LARP4B: variants seen among roughly 807,000 people sequenced by gnomAD.
The protein encoded by LARP4B is La ribonucleoprotein 4B, also known as la-related protein 4B.
Under a neutral mutation model 89.8 loss-of-function variants are expected in LARP4B, and 12 were observed. That is an observed-to-expected ratio of 0.13 (90% CI 0.09 to 0.22). The LOEUF is 0.22. LARP4B is among the 10% of genes least tolerant of loss of function. LARP4B has a pLI of 1.00. For missense variants in LARP4B, 757 were observed against 947.7 expected, an observed-to-expected ratio of 0.80 and a Z score of 2.64; for synonymous variants, 367 against 363.3, an observed-to-expected ratio of 1.01 and a Z score of -0.12.
At chr10:922,901 C>T (rs1256079693) in intron 1 of LARP4B, among the ~76,000 whole-genome samples, 1 of 151,980 alleles carries the variant, frequency 6.6e-6, no homozygotes, top group Non-Finnish European at 1.5e-5. Context: ...GGTGAAACCC[C>T]GTCTCTACTA....
intron 3 of LARP4B, among the ~76,000 whole-genome samples, chr10:884,092 T>A (rs1835780067): frequency 6.6e-6 from 1 of 152,226 alleles, no homozygotes. Context: ...ACTATTCAAT[T>A]TGTGTGGTTT....
At chr10:975,248 T>C in the LARP4B span, among the ~76,000 whole-genome samples, 1 of 152,396 alleles carries the variant, frequency 6.6e-6, no homozygotes, top group African/African-American at 2.4e-5. Context: ...ATGATGTGCT[T>C]GTTTGAATTA....
chr10:848,615 T>C (rs2131761736), intron 5 of LARP4B, among the ~76,000 whole-genome samples: 1 of 148,342 alleles, frequency 6.7e-6, no homozygotes, highest in African/African-American at 2.5e-5. Context: ...CAATGTCTGA[T>C]ATTAAAAATA....
chr10:916,771 A>G (rs1484587575), intron 1 of LARP4B, among the ~76,000 whole-genome samples: 1 of 152,204 alleles, frequency 6.6e-6, no homozygotes, highest in African/African-American at 2.4e-5. Flanking sequence ...TTTCTAACTC[A>G]CTACAACCTC....
At chr10:877,503 T>C (rs1160720438) in intron 3 of LARP4B, among the ~76,000 whole-genome samples, 3 of 152,262 alleles carry the variant, frequency 2.0e-5, no homozygotes, top group Admixed American at 2.0e-4. Flanking sequence ...GTATTTCCTC[T>C]TGAGTTTGGA....
chr10:983,994 C>T, the LARP4B span, among the ~76,000 whole-genome samples: 2 of 152,298 alleles, frequency 1.3e-5, no homozygotes, highest in Admixed American at 1.3e-4. Context: ...GGTGGCAGGG[C>T]TGGAATTGAA....
chr10:926,626 T>G (rs1007371309), intron 1 of LARP4B, among the ~76,000 whole-genome samples: 1 of 152,198 alleles, frequency 6.6e-6, no homozygotes, highest in Non-Finnish European at 1.5e-5. Context: ...AAAGAGCATT[T>G]TATTGGGCAA....
At chr10:862,114 T>C (rs1339045733) in intron 5 of LARP4B, among the ~76,000 whole-genome samples, 1 of 152,174 alleles carries the variant, frequency 6.6e-6, no homozygotes, top group African/African-American at 2.4e-5. Context: ...ACTGCTCATG[T>C]AGACGGGAAA....
chr10:913,935 A>C (rs1836745994), intron 1 of LARP4B, among the ~76,000 whole-genome samples: 1 of 152,174 alleles, frequency 6.6e-6, no homozygotes, highest in Non-Finnish European at 1.5e-5. Flanking sequence ...AACGAAGAAT[A>C]AATTAGATGA....
chr10:899,126 T>C (rs1250273081), intron 1 of LARP4B, among the ~76,000 whole-genome samples: 2 of 152,222 alleles, frequency 1.3e-5, no homozygotes, highest in African/African-American at 4.8e-5. Context: ...AAATATAAGC[T>C]AAATATTTCT....
chr10:812,940 T>TG lies in LARP4B; in HGVS notation c.2202dup (p.Lys735GlnfsTer41). 1 of 1,546,234 alleles carries TG rather than the reference T, an allele frequency of 6.5e-7. No individual in the cohort carries two copies. On this transcript the variant is annotated frameshift_variant, in exon 18 of 18. Coordinates refer to ENST00000316157, the MANE Select transcript of LARP4B (RefSeq NM_015155.3). LOFTEE classifies it high-confidence loss of function. ...ACGTACGGTTTTCACTGAGGAGACT[T>TG]GGGGGGAGTGCTCTGCTCTCGGCTG...
At position 812,919 on chromosome 10, in the gene LARP4B, A is replaced by G. The variant is rs766553624; in HGVS notation, c.*7T>C. On this transcript the variant is annotated 3_prime_UTR_variant, in exon 18 of 18. Transcript: ENST00000316157. ...GCGCTCTGCGACCCCTCCCAGACGT[A>G]CGGTTTTCACTGAGGAGACTTGGGG... 6 of 1,527,850 alleles carry G rather than the reference A, an allele frequency of 3.9e-6. No homozygotes were observed. The East Asian group carries it at 1.1e-4, about 29-fold the overall frequency. The allele number at this position is 1,527,850 out of a possible 1,614,324, so 94.6% of individuals were successfully genotyped here.
upstream of LARP4B, among the ~76,000 whole-genome samples, chr10:935,399 T>C (rs1830736482): frequency 6.6e-6 from 1 of 152,210 alleles, no homozygotes; most frequent in African/African-American, 2.4e-5. Context: ...GGATGTCTCC[T>C]TCTGGCGGAA....
chr10:816,371 T>A (rs1448524835), intron 15 of LARP4B, among the ~76,000 whole-genome samples: 5 of 152,340 alleles, frequency 3.3e-5, no homozygotes, highest in African/African-American at 1.2e-4. Context: ...AACCCCATCA[T>A]TTCTGGAGCC....
At chr10:845,984 T>C (rs1364942986) in intron 5 of LARP4B, among the ~76,000 whole-genome samples, 2 of 152,182 alleles carry the variant, frequency 1.3e-5, no homozygotes, top group South Asian at 2.1e-4. Context: ...TATGGTGTTA[T>C]ACAATGAGCT....
In LARP4B at chr10:814,376, T is replaced by G. The variant is rs1831906076; in HGVS notation, c.1929+366A>C. 2 of 351,008 alleles carry G rather than the reference T, an allele frequency of 5.7e-6. No individual in the cohort carries two copies. The highest frequency in any genetic ancestry group is 8.7e-5 in the Admixed American group (2 of 23,032). The allele number at this position is 351,008 out of a possible 1,614,324, so 21.7% of individuals were successfully genotyped here. On this transcript the variant is annotated intron_variant, in intron 17 of 17. Coordinates refer to ENST00000316157, the MANE Select transcript of LARP4B (RefSeq NM_015155.3). The surrounding 1 kb of genome is among the most constrained non-coding windows in gnomAD (Gnocchi z 4.4). ...GGGCCACCATCTTGCTCTTCCTGTC[T>G]CTTCATCAGACACACGATGCGCGCG...
intron 1 of LARP4B, among the ~76,000 whole-genome samples, chr10:912,822 G>C (rs1588984952): frequency 6.6e-6 from 1 of 152,026 alleles, no homozygotes; most frequent in Admixed American, 6.5e-5. Flanking sequence ...AGGTTGCAGA[G>C]GTCACTGCAC....
At chr10:924,547 G>C (rs1367538512) in intron 1 of LARP4B, 1 of 152,430 alleles carries the variant, frequency 6.6e-6, no homozygotes, top group African/African-American at 2.4e-5. Flanking sequence ...GACCTCCCAA[G>C]CTCTGTAAAA....
intron 1 of LARP4B, among the ~76,000 whole-genome samples, chr10:916,165 T>G (rs565108238): frequency 6.6e-6 from 1 of 152,174 alleles, no homozygotes; most frequent in Non-Finnish European, 1.5e-5. Flanking sequence ...GAAATCCTGA[T>G]ATGTCTTGAT....
Sources: gnomAD v4.1 joint callset for allele counts (sites outside exome capture counted in the v4.1 genomes callset) on GRCh38, gnomAD v4.1.1 for gene constraint, Gnocchi (gnomAD v3.1) non-coding constraint, MANE v1.5 for transcripts, NCBI Gene and HGNC (gene_info 2026-07-23, HGNC 2026-07-21) for gene names.